The following DTNA variants were observed in gnomAD, a reference collection of about 807,000 sequenced individuals.
DTNA encodes the protein dystrophin-related protein 3.
DTNA carries 43 observed loss-of-function variants against 100.7 expected under a neutral mutation model. The ratio of observed to expected loss-of-function variants is 0.43; its 90% CI spans 0.33 to 0.55. DTNA has a LOEUF of 0.55. DTNA is among the 20% of genes least tolerant of loss of function. The pLI, the probability that DTNA is intolerant of heterozygous loss-of-function variation, is 0.04. For synonymous variants in DTNA, 349 were observed against 347.9 expected (o/e 1.00, Z -0.04); for missense variants, 798 against 953.9 (o/e 0.84, Z 2.15).
chr18:34,719,616 A>C (rs1276948048), intron 1 of DTNA, among the ~76,000 whole-genome samples: 1 of 152,208 alleles, frequency 6.6e-6, no homozygotes, highest in Non-Finnish European at 1.5e-5. Context: ...AGTGCCTGAC[A>C]TATAGTAAAC....
At chr18:34,721,391 C>G (rs1034639240) in intron 1 of DTNA, among the ~76,000 whole-genome samples, 1 of 152,166 alleles carries the variant, frequency 6.6e-6, no homozygotes, top group East Asian at 1.9e-4. Context: ...ATTATTGTCT[C>G]TTTGTACTCC....
chr18:34,667,937 C>T (rs1200368035), intron 1 of DTNA, among the ~76,000 whole-genome samples: 8 of 152,146 alleles, frequency 5.3e-5, no homozygotes, highest in Non-Finnish European at 1.2e-4. Context: ...ATGCTGGCCT[C>T]ATAAAATGAG....
chr18:34,611,022 A>G (rs2054111597), intron 1 of DTNA, among the ~76,000 whole-genome samples: 1 of 152,262 alleles, frequency 6.6e-6, no homozygotes, highest in South Asian at 2.1e-4. Context: ...AGGCTAAGAC[A>G]GAAACATTAA....
chr18:34,538,765 G>A (rs1442756912), intron 1 of DTNA, among the ~76,000 whole-genome samples: 1 of 151,848 alleles, frequency 6.6e-6, no homozygotes, highest in Non-Finnish European at 1.5e-5. Flanking sequence ...ATTCTACATG[G>A]TCTAAAGACC....
rs746624773 is a variant in DTNA at position 34,820,835 on chromosome 18, G to A, written c.921G>A (p.Leu307=). The change falls in exon 9 of 23, where the codon CTG becomes CTA. Residue 307 remains leucine, a synonymous_variant. Coordinates refer to ENST00000444659, the MANE Select transcript of DTNA (RefSeq NM_001386795.1). Reference sequence around the variant, plus strand: ...TGACTAATGCATTAAGCAAGTCCCTGAGCTGTGCTTCCAGCCGTGAACCTT... The same window carrying A: ...TGACTAATGCATTAAGCAAGTCCCTAAGCTGTGCTTCCAGCCGTGAACCTT... ...KKLTNALSKS[L]SCASSREPLH... The A allele has an allele frequency of 6.2e-7, 1 of 1,614,100 alleles. No individual in the cohort carries two copies. Among genetic ancestry groups the A allele is most frequent in the Non-Finnish European group, 8.5e-7 (1 of 1,180,004 alleles).
At chr18:34,540,091 T>C (rs965774856) in intron 1 of DTNA, among the ~76,000 whole-genome samples, 2 of 151,962 alleles carry the variant, frequency 1.3e-5, no homozygotes, top group East Asian at 1.9e-4. Context: ...TAAATCTCTT[T>C]AAGCTTTTTA....
At chr18:34,495,876 A>G (rs1050899021) in intron 1 of DTNA, among the ~76,000 whole-genome samples, 3 of 152,152 alleles carry the variant, frequency 2.0e-5, no homozygotes, top group African/African-American at 4.8e-5. Context: ...ATATTTAGAG[A>G]ATTACTCTTC....
chr18:34,540,532 G>C (rs2044148851), intron 1 of DTNA, among the ~76,000 whole-genome samples: 1 of 151,904 alleles, frequency 6.6e-6, no homozygotes, highest in Non-Finnish European at 1.5e-5. Context: ...GATGGACAGT[G>C]ACTTTATTAA....
At chr18:34,544,597 ATATATT>A (rs2044580852) in intron 1 of DTNA, among the ~76,000 whole-genome samples, 1 of 152,136 alleles carries the variant, frequency 6.6e-6, no homozygotes. Flanking sequence ...ATTAGAGTAC[ATATATT>A]TATAATTACA....
At chr18:34,526,427 T>C (rs2042621806) in intron 1 of DTNA, among the ~76,000 whole-genome samples, 1 of 152,116 alleles carries the variant, frequency 6.6e-6, no homozygotes, top group Non-Finnish European at 1.5e-5. Flanking sequence ...GGTTCAAACA[T>C]TATTATGTCT....
chr18:34,682,284 A>G (rs1215626604), intron 1 of DTNA, among the ~76,000 whole-genome samples: 2 of 152,202 alleles, frequency 1.3e-5, no homozygotes, highest in African/African-American at 4.8e-5. Flanking sequence ...TTTTGTGTGG[A>G]CACAAATTTT....
intron 3 of DTNA, among the ~76,000 whole-genome samples, chr18:34,777,208 G>C (rs574279913): frequency 3.2e-4 from 48 of 152,326 alleles, no homozygotes; most frequent in African/African-American, 1.1e-3. Context: ...GCAAAGATCA[G>C]TGTATGTCTT....
intron 1 of DTNA, among the ~76,000 whole-genome samples, chr18:34,607,023 T>G (rs527606609): frequency 6.6e-6 from 1 of 152,324 alleles, no homozygotes; most frequent in African/African-American, 2.4e-5. Context: ...CGAAAGGGAC[T>G]GAAGCCATAG....
At chr18:34,498,338 C>G (rs906509086) in intron 1 of DTNA, among the ~76,000 whole-genome samples, 1 of 151,578 alleles carries the variant, frequency 6.6e-6, no homozygotes, top group African/African-American at 2.4e-5. Context: ...GAGGCTGAGG[C>G]AGGAGAATGG....
At chr18:34,869,320 A>G (rs1484800834) in intron 17 of DTNA, among the ~76,000 whole-genome samples, 2 of 152,178 alleles carry the variant, frequency 1.3e-5, no homozygotes, top group African/African-American at 4.8e-5. Flanking sequence ...ACATACACAC[A>G]CACACACACA....
intron 1 of DTNA, among the ~76,000 whole-genome samples, chr18:34,671,784 C>T (rs1009562545): frequency 1.3e-5 from 2 of 151,960 alleles, no homozygotes; most frequent in Non-Finnish European, 2.9e-5. Context: ...TCTAATTGAA[C>T]TTTACATCAT....
Position 34,632,321 on chromosome 18 carries a change from G to A in DTNA, c.-1-123655G>A, listed in dbSNP as rs1041043649. On this transcript the variant is annotated intron_variant, in intron 1 of 19. Coordinates refer to the DTNA transcript ENST00000283365. The stretch of plus-strand genomic sequence containing the variant: ...GCTTATGTTCCCCTATGTTAATGGT[G>A]ATTTAAGGGGAGGATCATTTAGCAA... 5.9e-5 allele frequency among the ~76,000 whole-genome samples: 9 copies of A among 152,140 alleles called. 1 individual carries two copies. In the South Asian group the frequency reaches 1.7e-3, roughly 28 times the overall value.
chr18:34,878,944 G>T (rs2096845525), intron 19 of DTNA, among the ~76,000 whole-genome samples: 1 of 152,124 alleles, frequency 6.6e-6, no homozygotes. Context: ...CCTCTCAATT[G>T]AAAATTGTTG....
intron 1 of DTNA, among the ~76,000 whole-genome samples, chr18:34,689,101 C>T (rs1041430159): frequency 6.6e-6 from 1 of 152,102 alleles, no homozygotes; most frequent in African/African-American, 2.4e-5. Context: ...GTTCCTTTAC[C>T]TCAGAGGAGT....
Sources: gnomAD v4.1 joint callset for allele counts (sites outside exome capture counted in the v4.1 genomes callset) on GRCh38, gnomAD v4.1.1 for gene constraint, MANE v1.5 for transcripts, NCBI Gene and HGNC (gene_info 2026-07-23, HGNC 2026-07-21) for gene names.